INPP5D: variants seen among roughly 807,000 people sequenced by gnomAD.
INPP5D encodes inositol polyphosphate-5-phosphatase D, also known as phosphatidylinositol 3,4,5-trisphosphate 5-phosphatase 1.
Under a neutral mutation model 122.9 loss-of-function variants are expected in INPP5D, and 33 were observed. That is an observed-to-expected ratio of 0.27 (90% CI 0.20 to 0.36). INPP5D has a LOEUF of 0.36. INPP5D is among the 10% of genes least tolerant of loss of function. The pLI is 1.00. For synonymous variants in INPP5D, 584 were observed against 576.2 expected, an observed-to-expected ratio of 1.01 and a Z score of -0.19; for missense variants, 1,053 against 1,412.7, an observed-to-expected ratio of 0.75 and a Z score of 4.08.
rs952118349 is a variant in INPP5D, at chr2:233,119,564, A to C, written c.199-2543A>C. On this transcript the variant is annotated intron_variant, in intron 2 of 26. Transcript: ENST00000445964. ...GTGAATTTATTGAAAAGAATTTAGA[A>C]CACCCTTTTGCTTAACTCTCTATAA... Among the ~76,000 whole-genome samples, 57 of 151,970 alleles carry C rather than the reference A, an allele frequency of 3.8e-4. 1 individual carries two copies. The highest frequency in any genetic ancestry group is 1.3e-3 in the African/African-American group (52 of 41,526).
In INPP5D at chr2:233,157,314, C is replaced by CCAGAGAAG. The variant is rs1326256537; in HGVS notation, c.1031-999_1031-998insCAGAGAAG. On this transcript the variant is annotated intron_variant, in intron 9 of 26. Transcript: ENST00000445964. ...AAGGCTGTGCCTCGGCCCTTGAAGT[C>CCAGAGAAG]ACCAGTCCAGAGAAGACCCAGAAGC... Among the ~76,000 whole-genome samples the CCAGAGAAG allele has an allele frequency of 1.3e-4, 20 of 152,230 alleles. 1 individual carries two copies. The highest frequency in any genetic ancestry group is 4.6e-4 in the African/African-American group (19 of 41,534).
intron 10 of INPP5D, 24 bp downstream of exon 10, chr2:233,158,443 A>G (rs36165346): frequency 0.48 from 334,367 of 696,942 alleles, 83,063 homozygotes; most frequent in East Asian, 0.65. Context: ...AACTTCTAAA[A>G]TGGGCTGTGA....
Position 233,164,386 on chromosome 2 carries a change from G to A in INPP5D, c.1517G>A (p.Cys506Tyr). The change falls in exon 13 of 27, where the codon TGT becomes TAT. Residue 506 changes from cysteine to tyrosine, a missense_variant. Physicochemically the swap from Cys to Tyr is radical, Grantham distance 194. Coordinates refer to ENST00000445964, the MANE Select transcript of INPP5D (RefSeq NM_001017915.3). This position sits in a 1 kb window ranked among gnomAD's most constrained non-coding sequence, Gnocchi z 4.3. ...CACGAGAACCGGATCAGCCACATCT[G>A]TACTGACAACGTGAAGACAGGCATT... ...PEHENRISHI[C>Y]TDNVKTGIAN... 1 of 1,552,906 alleles carries A rather than the reference G, an allele frequency of 6.4e-7. No homozygotes were observed. The highest frequency in any genetic ancestry group is 8.7e-7 in the Non-Finnish European group (1 of 1,147,672).
intron 23 of INPP5D, among the ~76,000 whole-genome samples, 187 bp from the exon 24 acceptor site, chr2:233,195,212 C>G (rs1429085164): frequency 6.7e-6 from 1 of 149,966 alleles, no homozygotes; most frequent in Non-Finnish European, 1.5e-5. Context: ...TCTGTGGATC[C>G]ACTGCAGGCA....
At position 233,188,243 on chromosome 2, in the gene INPP5D, C is replaced by T. The variant is rs540000977; in HGVS notation, c.2359-1607C>T. 7.9e-5 allele frequency among the ~76,000 whole-genome samples: 12 copies of T among 152,208 alleles called. No individual in the cohort carries two copies. The highest frequency in any genetic ancestry group is 1.2e-4 in the Non-Finnish European group (8 of 68,010). On this transcript the variant is annotated intron_variant, in intron 21 of 26. Coordinates refer to ENST00000445964, the MANE Select transcript of INPP5D (RefSeq NM_001017915.3). The surrounding 1 kb of genome is among the most constrained non-coding windows in gnomAD (Gnocchi z 4.7). The stretch of plus-strand genomic sequence containing the variant: ...TCACCGTCTCCTGCTCCCTGACCCC[C>T]GCCCCACCCCTGTTGCCTGGCGGCC...
Position 233,188,699 on chromosome 2 carries a change from C to T in INPP5D, c.2359-1151C>T, listed in dbSNP as rs554157244. ...GTCTCAGCCTCCCGAGTACCTGGGA[C>T]GACAGGCACGCCCCATCAAGCCTCG... On this transcript the variant is annotated intron_variant, in intron 21 of 26. Coordinates refer to ENST00000445964, the MANE Select transcript of INPP5D (RefSeq NM_001017915.3). The surrounding 1 kb of genome is among the most constrained non-coding windows in gnomAD (Gnocchi z 4.7). Among the ~76,000 whole-genome samples, 57 of 152,294 alleles carry T rather than the reference C, an allele frequency of 3.7e-4. No individual in the cohort carries two copies. Among genetic ancestry groups the T allele is most frequent in the African/African-American group, 1.2e-3 (49 of 41,550 alleles).
chr2:233,163,938 G>A, intron 12 of INPP5D, 35 bp downstream of exon 12: 1 of 1,605,820 alleles, frequency 6.2e-7, no homozygotes, highest in African/African-American at 1.3e-5. Context: ...TGGGCTTCCG[G>A]GATAGAATCT....
chr2:233,101,125 G>T (rs1007160319), intron 2 of INPP5D, among the ~76,000 whole-genome samples: 1 of 152,142 alleles, frequency 6.6e-6, no homozygotes, highest in Admixed American at 6.5e-5. Context: ...TTGCCAAAAG[G>T]GTCAATGTCA....
At chr2:233,184,842 T>C (rs1479521025) in intron 20 of INPP5D, among the ~76,000 whole-genome samples, 1 of 152,128 alleles carries the variant, frequency 6.6e-6, no homozygotes, top group Admixed American at 6.5e-5. Context: ...AAGCTGGGGC[T>C]CTGACTCAAC....
chr2:233,155,544 C>T (rs1694027396), intron 9 of INPP5D, among the ~76,000 whole-genome samples: 1 of 152,032 alleles, frequency 6.6e-6, no homozygotes, highest in African/African-American at 2.4e-5. Flanking sequence ...ATTGCTTGAA[C>T]CCAGGAGGCA....
Position 233,082,959 on chromosome 2 carries a change from G to A in INPP5D, c.198+3561G>A, listed in dbSNP as rs887491010. Among the ~76,000 whole-genome samples, 1 of 152,236 alleles carries A rather than the reference G, an allele frequency of 6.6e-6. No individual in the cohort carries two copies. Among genetic ancestry groups the A allele is most frequent in the Admixed American group, 6.5e-5 (1 of 15,280 alleles). On this transcript the variant is annotated intron_variant, in intron 2 of 26. Transcript: ENST00000445964. This position sits in a 1 kb window ranked among gnomAD's most constrained non-coding sequence, Gnocchi z 4.7. ...CCCAGGACTCTGCCCAGAGGGACAG[G>A]GAGACAGGGCAATGTGGCCTCTCAG...
intron 9 of INPP5D, among the ~76,000 whole-genome samples, chr2:233,150,614 C>T (rs982124444): frequency 1.3e-5 from 2 of 152,160 alleles, no homozygotes; most frequent in Admixed American, 6.5e-5. Flanking sequence ...AGAAACACCT[C>T]CCAGGGTTCT....
intron 24 of INPP5D, 42 bp from the exon 25 acceptor site, chr2:233,198,053 G>A: frequency 6.6e-7 from 1 of 1,510,580 alleles, no homozygotes; most frequent in Non-Finnish European, 8.8e-7. Flanking sequence ...ACCCCGAGAA[G>A]GGAAGGGACC....
intron 2 of INPP5D, among the ~76,000 whole-genome samples, chr2:233,114,924 A>G (rs532039045): frequency 1.3e-5 from 2 of 151,588 alleles, no homozygotes; most frequent in East Asian, 1.9e-4. Flanking sequence ...CTGGACTGCA[A>G]TGGCACAATC....
Position 233,078,742 on chromosome 2 carries a change from G to C in INPP5D, c.135-593G>C, listed in dbSNP as rs771392983. Among the ~76,000 whole-genome samples the C allele has an allele frequency of 2.0e-5, 3 of 152,108 alleles. No homozygotes were observed. The highest frequency in any genetic ancestry group is 4.4e-5 in the Non-Finnish European group (3 of 68,018). ...TCTGTCGCCAGGCTGGAGTGAAGTGGCACATTCTCGGCTCACTGCAACCTC... is the reference window on the plus strand; with the variant it reads ...TCTGTCGCCAGGCTGGAGTGAAGTGCCACATTCTCGGCTCACTGCAACCTC... On this transcript the variant is annotated intron_variant, in intron 1 of 26. Coordinates refer to ENST00000445964, the MANE Select transcript of INPP5D (RefSeq NM_001017915.3). This position sits in a 1 kb window ranked among gnomAD's most constrained non-coding sequence, Gnocchi z 4.6.
At chr2:233,201,384 C>T (rs975990888) in intron 25 of INPP5D, among the ~76,000 whole-genome samples, 1 of 152,256 alleles carries the variant, frequency 6.6e-6, no homozygotes, top group Non-Finnish European at 1.5e-5. Flanking sequence ...TGGGAGCATG[C>T]TCCCCACAGC....
intron 1 of INPP5D, among the ~76,000 whole-genome samples, chr2:233,076,675 A>C (rs1260244736): frequency 1.3e-5 from 2 of 152,258 alleles, no homozygotes; most frequent in African/African-American, 4.8e-5. Context: ...AGTCTTATTC[A>C]TAACTAAGCA....
At chr2:233,203,470 G>C (rs892845004) in intron 25 of INPP5D, among the ~76,000 whole-genome samples, 1 of 152,194 alleles carries the variant, frequency 6.6e-6, no homozygotes, top group Non-Finnish European at 1.5e-5. Context: ...TTTTATAGTG[G>C]AAAAGGTCCC....
chr2:233,104,748 C>T (rs1485564767), intron 2 of INPP5D, among the ~76,000 whole-genome samples: 1 of 152,124 alleles, frequency 6.6e-6, no homozygotes, highest in East Asian at 1.9e-4. Flanking sequence ...TGAGGACAGG[C>T]TTGAGATGGA....
Sources: gnomAD v4.1 joint callset for allele counts (sites outside exome capture counted in the v4.1 genomes callset) on GRCh38, gnomAD v4.1.1 for gene constraint, Gnocchi (gnomAD v3.1) non-coding constraint, MANE v1.5 for transcripts, NCBI Gene and HGNC (gene_info 2026-07-23, HGNC 2026-07-21) for gene names.